USP9X: variants seen among roughly 807,000 people sequenced by gnomAD.
USP9X encodes the protein ubiquitin carboxyl-terminal hydrolase 9X.
In USP9X, 7 loss-of-function variants were observed where a neutral mutation model predicts 190.3. The ratio of observed to expected loss-of-function variants is 0.04; its 90% CI spans 0.02 to 0.07. USP9X has a LOEUF of 0.07. Ranked by LOEUF, USP9X falls within the 10% of genes least tolerant of loss-of-function variation. The probability of loss-of-function intolerance (pLI) is 1.00; values close to 1 mark genes in which losing one functional copy is unlikely to be tolerated. For synonymous variants in USP9X, 645 were observed against 659.5 expected, an observed-to-expected ratio of 0.98 and a Z score of 0.34; for missense variants, 1,010 against 1,916.9, an observed-to-expected ratio of 0.53 and a Z score of 8.83.
At chrX:41,150,466 C>A (rs1363798151) in intron 12 of USP9X, among the ~76,000 whole-genome samples, 3 of 111,386 alleles carry the variant, frequency 2.7e-5, no homozygotes, top group African/African-American at 9.8e-5. Context: ...TTTTCTTAGT[C>A]AAATATACAT....
At chrX:41,222,273 C>T (rs2063270600) in intron 38 of USP9X, among the ~76,000 whole-genome samples, 1 of 106,716 alleles carries the variant, frequency 9.4e-6, no homozygotes, top group Non-Finnish European at 1.9e-5. Context: ...GGAGAAACAT[C>T]AGTTTTTAAG....
intron 41 of USP9X, among the ~76,000 whole-genome samples, chrX:41,226,224 C>T (rs2063311516): frequency 8.9e-6 from 1 of 111,805 alleles, no homozygotes; most frequent in Non-Finnish European, 1.9e-5. Flanking sequence ...AACTTTTTTC[C>T]CCCGTAAAAA....
intron 33 of USP9X, 92 bp from the exon 34 acceptor site, chrX:41,214,476 T>TA (rs112380588): frequency 2.4e-3 from 1,902 of 788,477 alleles, no homozygotes; most frequent in Non-Finnish European, 2.7e-3. Flanking sequence ...AAGTATAATT[T>TA]AAAAAAAAAA....
At chrX:41,215,705 A>G (rs770328799) in intron 34 of USP9X, among the ~76,000 whole-genome samples, 194 bp from the exon 35 acceptor site, 1 of 112,541 alleles carries the variant, frequency 8.9e-6, no homozygotes, top group Admixed American at 9.4e-5. Context: ...TCAACAATTT[A>G]CCATTTGCAT....
At chrX:41,089,118 A>G (rs2061934318) in intron 1 of USP9X, among the ~76,000 whole-genome samples, 1 of 112,714 alleles carries the variant, frequency 8.9e-6, no homozygotes, top group Non-Finnish European at 1.9e-5. Flanking sequence ...TATTGTTTTT[A>G]TCATGTTGTT....
chrX:41,210,812 T>C, intron 33 of USP9X, 130 bp downstream of exon 33: 4 of 691,828 alleles, frequency 5.8e-6, no homozygotes, highest in Non-Finnish European at 8.3e-6. Context: ...AACAGAATGA[T>C]TTATATACTT....
intron 11 of USP9X, among the ~76,000 whole-genome samples, chrX:41,146,139 G>GA (rs2062461605): frequency 9.0e-6 from 1 of 110,911 alleles, no homozygotes; most frequent in African/African-American, 3.3e-5. Flanking sequence ...ATGAGAGAAG[G>GA]AAAAAAAGGG....
At chrX:41,168,328 G>A in intron 18 of USP9X, 110 bp downstream of exon 18, 2 of 682,702 alleles carry the variant, frequency 2.9e-6, no homozygotes, top group Non-Finnish European at 4.0e-6. Context: ...TGTTGTCTTT[G>A]CCCATTAAAA....
intron 2 of USP9X, among the ~76,000 whole-genome samples, chrX:41,125,510 T>C (rs907461098): frequency 4.6e-5 from 5 of 108,590 alleles, no homozygotes; most frequent in African/African-American, 1.7e-4. Context: ...CCCTTTTTAT[T>C]ATCTTTTTTG....
At chrX:41,176,057 A>G (rs1449003903) in intron 21 of USP9X, among the ~76,000 whole-genome samples, 2 of 110,708 alleles carry the variant, frequency 1.8e-5, no homozygotes, top group East Asian at 2.8e-4. Context: ...TGCCTGGCCA[A>G]ACTCTCTTTT....
At chrX:41,147,152 T>C (rs1456127521) in intron 11 of USP9X, among the ~76,000 whole-genome samples, 2 of 110,474 alleles carry the variant, frequency 1.8e-5, no homozygotes, top group Non-Finnish European at 3.8e-5. Flanking sequence ...CCTTGGTGTC[T>C]GTCAATAGTT....
chrX:41,118,810 T>C (rs1237844964), intron 1 of USP9X, among the ~76,000 whole-genome samples: 10 of 111,771 alleles, frequency 8.9e-5, no homozygotes, highest in Non-Finnish European at 1.7e-4. Context: ...GAGCCAACTC[T>C]CTAGTGGTTT....
At chrX:41,144,463 C>G in intron 10 of USP9X, 59 bp from the exon 11 acceptor site, 1 of 937,986 alleles carries the variant, frequency 1.1e-6, no homozygotes, top group Non-Finnish European at 1.5e-6. Flanking sequence ...GCAGTATACA[C>G]TACTTAATCT....
In USP9X at chrX:41,167,586, T is replaced by C; in HGVS notation, c.2424+9T>C. On this transcript the variant is annotated intron_variant, in intron 17 of 44. Transcript: ENST00000378308. ...GACTACAAGTCAATCAGGTGAGGATTGATGTGCATTAAAACTTCCATATAT... is the reference window on the plus strand; with the variant it reads ...GACTACAAGTCAATCAGGTGAGGATCGATGTGCATTAAAACTTCCATATAT... 8.7e-7 allele frequency: 1 copy of C among 1,149,392 alleles called. No individual in the cohort carries two copies. The highest frequency in any genetic ancestry group is 1.2e-6 in the Non-Finnish European group (1 of 848,087). The allele number at this position is 1,149,392 out of a possible 1,213,427, so 94.7% of individuals were successfully genotyped here.
chrX:41,233,338 T>C lies in USP9X; in HGVS notation c.*814T>C, dbSNP rs947448677. ...GAGAAATGTGACAGTCTATTTTCAG[T>C]TGCACATATGTTCCTTATATATAAT... On this transcript the variant is annotated 3_prime_UTR_variant, in exon 45 of 45. Coordinates refer to ENST00000378308, the MANE Select transcript of USP9X (RefSeq NM_001039591.3). The C allele has an allele frequency of 3.6e-5, 4 of 112,222 alleles. No individual in the cohort carries two copies. Among genetic ancestry groups the C allele is most frequent in the Non-Finnish European group, 7.5e-5 (4 of 53,270 alleles). The allele number at this position is 112,222 out of a possible 1,213,427, so 9.2% of individuals were successfully genotyped here.
intron 1 of USP9X, among the ~76,000 whole-genome samples, chrX:41,110,615 A>G (rs1307839267): frequency 8.9e-6 from 1 of 111,812 alleles, no homozygotes; most frequent in East Asian, 2.8e-4. Context: ...GGGTTGTTCT[A>G]AGGATTAACT....
intron 1 of USP9X, among the ~76,000 whole-genome samples, chrX:41,121,416 G>C (rs1221593316): frequency 1.8e-5 from 2 of 111,679 alleles, no homozygotes; most frequent in Admixed American, 1.9e-4. Flanking sequence ...CATAGACTGG[G>C]TATGAGAATC....
At chrX:41,221,920 G>C (rs2063267091) in intron 38 of USP9X, among the ~76,000 whole-genome samples, 2 of 111,402 alleles carry the variant, frequency 1.8e-5, no homozygotes, top group South Asian at 7.6e-4. Flanking sequence ...AGTGGATTTG[G>C]TGATGGGATA....
intron 30 of USP9X, among the ~76,000 whole-genome samples, chrX:41,199,478 G>A (rs777990805): frequency 1.8e-5 from 2 of 111,008 alleles, no homozygotes; most frequent in South Asian, 3.8e-4. Flanking sequence ...GCGCGATCTC[G>A]GCTCACTGCA....
Sources: allele counts gnomAD v4.1 joint callset (sites outside exome capture counted in the v4.1 genomes callset), GRCh38; gene constraint gnomAD v4.1.1; transcripts MANE v1.5; gene names NCBI Gene and HGNC (gene_info 2026-07-23, HGNC 2026-07-21).